WDTC1: variants seen among roughly 807,000 people sequenced by gnomAD.
WDTC1 encodes the protein WD and tetratricopeptide repeats 1.
WDTC1 carries 12 observed loss-of-function variants against 76.0 expected under a neutral mutation model. That is an observed-to-expected ratio of 0.16 (90% CI 0.10 to 0.26). WDTC1 has a LOEUF of 0.26. Ranked by LOEUF, WDTC1 falls within the 10% of genes least tolerant of loss-of-function variation. The pLI is 1.00. For missense variants in WDTC1, 511 were observed against 908.8 expected (o/e 0.56, Z 5.63); for synonymous variants, 326 against 350.8 (o/e 0.93, Z 0.79).
rs2013998160 is a variant in WDTC1, at chr1:27,308,007, C to T, written c.*1624C>T. 6.6e-6 allele frequency: 1 copy of T among 152,440 alleles called. No individual in the cohort carries two copies. The highest frequency in any genetic ancestry group is 2.4e-5 in the African/African-American group (1 of 41,420). The allele number at this position is 152,440 out of a possible 1,614,324, so 9.4% of individuals were successfully genotyped here. On this transcript the variant is annotated 3_prime_UTR_variant, in exon 16 of 16. Coordinates refer to ENST00000319394, the MANE Select transcript of WDTC1 (RefSeq NM_001276252.2). ...GGGCTGGGCCCTGGGGCCCAAGGAC[C>T]AGCTGGGTCCCCTTTGCTTTCTTGT...
At chr1:27,261,301 C>G (rs1388303205) in intron 2 of WDTC1, among the ~76,000 whole-genome samples, 199 bp downstream of exon 2, 2 of 152,202 alleles carry the variant, frequency 1.3e-5, no homozygotes, top group African/African-American at 4.8e-5. Context: ...CATGGAGACT[C>G]TGTCCACATA....
In WDTC1 at chr1:27,303,374, C is replaced by T. The variant is rs1463726641; in HGVS notation, c.1469-247C>T. ...TGAGTCTCTGCATCTTTGGGGCTTTCAGGCCCTCATTTAGGGACCTGAACC... is the reference window on the plus strand; with the variant it reads ...TGAGTCTCTGCATCTTTGGGGCTTTTAGGCCCTCATTTAGGGACCTGAACC... On this transcript the variant is annotated intron_variant, in intron 13 of 15. Coordinates refer to ENST00000319394, the MANE Select transcript of WDTC1 (RefSeq NM_001276252.2). This position sits in a 1 kb window ranked among gnomAD's most constrained non-coding sequence, Gnocchi z 4.8. Among the ~76,000 whole-genome samples, 2 of 152,160 alleles carry T rather than the reference C, an allele frequency of 1.3e-5. No individual in the cohort carries two copies. The highest frequency in any genetic ancestry group is 6.5e-5 in the Admixed American group (1 of 15,286).
At position 27,305,497 on chromosome 1, in the gene WDTC1, G is replaced by A. The variant is rs1031920562; in HGVS notation, c.1836+304G>A. ...AGAGACTTCACCATCTCTGACCCAG[G>A]CTTTTAATCATCTGTACATTGGGAA... On this transcript the variant is annotated intron_variant, in intron 15 of 15. Transcript: ENST00000319394. The surrounding 1 kb of genome is among the most constrained non-coding windows in gnomAD (Gnocchi z 4.6). 6.6e-6 allele frequency among the ~76,000 whole-genome samples: 1 copy of A among 152,154 alleles called. No homozygotes were observed. Among genetic ancestry groups the A allele is most frequent in the Non-Finnish European group, 1.5e-5 (1 of 68,022 alleles).
intron 5 of WDTC1, among the ~76,000 whole-genome samples, chr1:27,286,304 G>T (rs561101259): frequency 1.8e-3 from 264 of 146,974 alleles, no homozygotes; most frequent in South Asian, 6.5e-3. Flanking sequence ...CACCTGGCCG[G>T]TTTTTTTTGT....
chr1:27,275,722 C>G (rs2147951722), intron 3 of WDTC1, among the ~76,000 whole-genome samples: 1 of 152,138 alleles, frequency 6.6e-6, no homozygotes, highest in East Asian at 1.9e-4. Flanking sequence ...CAATTTGTGG[C>G]CAGTGGGCCA....
intron 1 of WDTC1, among the ~76,000 whole-genome samples, chr1:27,240,242 G>C (rs543953194): frequency 6.6e-6 from 1 of 152,150 alleles, no homozygotes; most frequent in African/African-American, 2.4e-5. Context: ...CTGGAAGGAA[G>C]GTATTACCAT....
Position 27,301,569 on chromosome 1 carries a change from T to C in WDTC1, c.1468+108T>C. ...GATTGGAGAGGCCTGGGTTCAGATG[T>C]TGATTCAGAAACCATGCAACTTTGG... On this transcript the variant is annotated intron_variant, in intron 13 of 15. Coordinates refer to ENST00000319394, the MANE Select transcript of WDTC1 (RefSeq NM_001276252.2). This position sits in a 1 kb window ranked among gnomAD's most constrained non-coding sequence, Gnocchi z 5.8. 7.8e-7 allele frequency: 1 copy of C among 1,286,246 alleles called. No individual in the cohort carries two copies. Among genetic ancestry groups the C allele is most frequent in the Non-Finnish European group, 1.1e-6 (1 of 930,892 alleles). The allele number at this position is 1,286,246 out of a possible 1,614,324, so 79.7% of individuals were successfully genotyped here.
At chr1:27,244,209 GA>G (rs537696021) in intron 1 of WDTC1, among the ~76,000 whole-genome samples, 15 of 151,322 alleles carry the variant, frequency 9.9e-5, no homozygotes, top group South Asian at 2.1e-4. Context: ...GTATAGAAAA[GA>G]AAAAAAAATT....
At position 27,284,450 on chromosome 1, in the gene WDTC1, A is replaced by T. The variant is rs141038606; in HGVS notation, c.291+1001A>T. Among the ~76,000 whole-genome samples, 242 of 152,326 alleles carry T rather than the reference A, an allele frequency of 1.6e-3. 2 individuals are homozygous for T. Among genetic ancestry groups the T allele is most frequent in the African/African-American group, 5.5e-3 (227 of 41,576 alleles). ...AGGAATTACAAGATACCTGAACAAG[A>T]TGATAGCTCCAAACCTACTTGTTTT... On this transcript the variant is annotated intron_variant, in intron 5 of 15. Transcript: ENST00000319394.
intron 5 of WDTC1, among the ~76,000 whole-genome samples, chr1:27,284,946 G>A (rs958076462): frequency 6.6e-6 from 1 of 150,454 alleles, no homozygotes; most frequent in African/African-American, 2.4e-5. Flanking sequence ...TGCATTGAGT[G>A]TATGCCGTCT....
intron 3 of WDTC1, among the ~76,000 whole-genome samples, chr1:27,273,873 G>A (rs1489964355): frequency 6.6e-6 from 1 of 151,890 alleles, no homozygotes; most frequent in African/African-American, 2.4e-5. Flanking sequence ...GAGAGGGAGG[G>A]AGAGGGAAAA....
At chr1:27,287,169 A>C (rs985278227) in intron 5 of WDTC1, among the ~76,000 whole-genome samples, 1 of 151,856 alleles carries the variant, frequency 6.6e-6, no homozygotes, top group African/African-American at 2.4e-5. Context: ...TCTCAAAAAA[A>C]AAAAACAAAA....
rs1213805831 is a variant in WDTC1 at position 27,287,783 on chromosome 1, C to T, written c.401C>T (p.Thr134Ile). ...ACCATCCACATGTTTGGAGACCACA[C>T]AAACCGGGTGAAGCGCATCGCCACA... is the stretch of plus-strand genomic sequence containing the variant. ...KETIHMFGDH[T>I]NRVKRIATAP... The change falls in exon 6 of 16, where the codon ACA (threonine) becomes ATA (isoleucine). Residue 134 changes from threonine to isoleucine, a missense_variant. Coordinates refer to ENST00000319394, the MANE Select transcript of WDTC1 (RefSeq NM_001276252.2). 1 of 1,614,108 alleles carries T rather than the reference C, an allele frequency of 6.2e-7. No homozygotes were observed. Among genetic ancestry groups the T allele is most frequent in the Admixed American group, 1.7e-5 (1 of 60,014 alleles).
At chr1:27,238,809 C>T (rs918059727) in intron 1 of WDTC1, among the ~76,000 whole-genome samples, 1 of 152,068 alleles carries the variant, frequency 6.6e-6, no homozygotes, top group African/African-American at 2.4e-5. Flanking sequence ...AGGTGATCCG[C>T]CCGCCTCAGC....
At chr1:27,293,435 T>TAAAAAAA (rs35845132) in intron 7 of WDTC1, among the ~76,000 whole-genome samples, 1 of 130,638 alleles carries the variant, frequency 7.7e-6, no homozygotes, top group African/African-American at 2.9e-5. Flanking sequence ...CAGTCTCAAT[T>TAAAAAAA]AAAAAAAAAA....
intron 3 of WDTC1, among the ~76,000 whole-genome samples, chr1:27,277,220 G>A (rs2013057788): frequency 6.6e-6 from 1 of 151,772 alleles, no homozygotes. Flanking sequence ...TTTTGTTGCT[G>A]GTGCTTTTGG....
At chr1:27,247,998 G>A (rs920548099) in intron 1 of WDTC1, among the ~76,000 whole-genome samples, 2 of 152,056 alleles carry the variant, frequency 1.3e-5, no homozygotes, top group East Asian at 3.9e-4. Context: ...GATTACAGGC[G>A]TGAGCCACTG....
rs2013881218 is a variant in WDTC1, at chr1:27,303,553, A to AGG, written c.1469-67_1469-66dup. On this transcript the variant is annotated intron_variant, in intron 13 of 15. Coordinates refer to ENST00000319394, the MANE Select transcript of WDTC1 (RefSeq NM_001276252.2). This position sits in a 1 kb window ranked among gnomAD's most constrained non-coding sequence, Gnocchi z 4.8. Reference sequence around the variant, plus strand: ...GACTTTGGACTGAAAACAGAGCCATAGGTGGGGGAAAATAGGGAAGGAGAG... The same window carrying AGG: ...GACTTTGGACTGAAAACAGAGCCATAGGGGTGGGGGAAAATAGGGAAGGAGAG... 1 of 1,511,698 alleles carries AGG rather than the reference A, an allele frequency of 6.6e-7. No individual in the cohort carries two copies. Among genetic ancestry groups the AGG allele is most frequent in the Middle Eastern group, 1.8e-4 (1 of 5,600 alleles). 93.6% of individuals were successfully genotyped at this position (1,511,698 alleles called of 1,614,324 possible). A position where few individuals can be genotyped will look rare whatever the true frequency, so the allele number is the denominator to read the frequency against.
intron 12 of WDTC1, among the ~76,000 whole-genome samples, chr1:27,298,877 C>T (rs928646731): frequency 1.3e-5 from 2 of 152,070 alleles, no homozygotes; most frequent in African/African-American, 2.4e-5. Flanking sequence ...GGTGTGCCAT[C>T]GTCTGGCTGC....
Sources: allele counts gnomAD v4.1 joint callset (sites outside exome capture counted in the v4.1 genomes callset), GRCh38; gene constraint gnomAD v4.1.1; non-coding constraint Gnocchi (gnomAD v3.1); transcripts MANE v1.5; gene names NCBI Gene and HGNC (gene_info 2026-07-23, HGNC 2026-07-21).